The following PBRM1 variants were observed in gnomAD, a reference collection of about 807,000 sequenced individuals.
The protein encoded by PBRM1 is protein polybromo-1.
A neutral mutation model predicts 194.5 loss-of-function variants in PBRM1; 27 were observed. That is an observed-to-expected ratio of 0.14 (90% CI 0.10 to 0.19). PBRM1 has a LOEUF of 0.19. Among genes scored for constraint, PBRM1 ranks in the 10% least tolerant of loss-of-function variants. The pLI is 1.00. For synonymous variants in PBRM1, 655 were observed against 693.2 expected (o/e 0.94, Z 0.87); for missense variants, 1,466 against 2,077.2 (o/e 0.71, Z 5.72).
intron 29 of PBRM1, 62 bp from the exon 32 acceptor site, chr3:52,548,297 T>A (rs2079968643): frequency 1.5e-6 from 2 of 1,299,360 alleles, no homozygotes; most frequent in Non-Finnish European, 2.1e-6. Flanking sequence ...TTTCCCTCAG[T>A]TCTAAGGTCT....
chr3:52,586,535 G>T (rs766031717), exon 20 of PBRM1: 20 of 1,613,826 alleles, frequency 1.2e-5, no homozygotes, highest in Non-Finnish European at 1.6e-5. Context: ...CGAACCACAG[G>T]CAGAGGCACA....
At chr3:52,647,449 AAAAAAAAAATATATATATAT>A (rs1298861541) in intron 7 of PBRM1, among the ~76,000 whole-genome samples, 2 of 82,116 alleles carry the variant, frequency 2.4e-5, no homozygotes, top group Non-Finnish European at 5.0e-5. Context: ...AAAAAAAAAA[AAAAAAAAAATATATATATAT>A]ATATATATAT....
chr3:52,611,819 A>T (rs1302207368), intron 15 of PBRM1, among the ~76,000 whole-genome samples: 1 of 152,014 alleles, frequency 6.6e-6, no homozygotes, highest in African/African-American at 2.4e-5. Flanking sequence ...AACAAAACAA[A>T]ACACAAAACA....
exon 8 of PBRM1, chr3:52,644,767 A>T (rs1185098475): frequency 1.3e-6 from 2 of 1,509,262 alleles, no homozygotes; most frequent in African/African-American, 1.4e-5. Context: ...CATATAAAAT[A>T]TTTTTTTAAT....
At chr3:52,595,237 G>A (rs1449038383) in intron 17 of PBRM1, among the ~76,000 whole-genome samples, 2 of 151,874 alleles carry the variant, frequency 1.3e-5, no homozygotes, top group Non-Finnish European at 2.9e-5. Context: ...ATGACCTTGG[G>A]TGTTTGATTG....
chr3:52,680,977 G>C (rs529737910), upstream of PBRM1, among the ~76,000 whole-genome samples: 10 of 151,840 alleles, frequency 6.6e-5, no homozygotes, highest in Non-Finnish European at 1.2e-4. Context: ...TGAAGGTATT[G>C]ATCCTTCAGC....
intron 6 of PBRM1, among the ~76,000 whole-genome samples, chr3:52,649,291 T>C (rs1162751086): frequency 6.6e-6 from 1 of 152,106 alleles, no homozygotes; most frequent in Non-Finnish European, 1.5e-5. Flanking sequence ...AGTGGGCAAA[T>C]GGTCACTTTG....
chr3:52,676,656 G>A (rs1028526964), intron 2 of PBRM1, among the ~76,000 whole-genome samples: 6 of 152,180 alleles, frequency 3.9e-5, no homozygotes, highest in Non-Finnish European at 5.9e-5. Flanking sequence ...AAAGATACCC[G>A]AAAATGTGGA....
chr3:52,645,429 C>CT (rs1487961769), intron 7 of PBRM1, among the ~76,000 whole-genome samples: 1 of 151,260 alleles, frequency 6.6e-6, no homozygotes, highest in Non-Finnish European at 1.5e-5. Context: ...TCTCAAAGTG[C>CT]TGGGATTACA....
intron 2 of PBRM1, among the ~76,000 whole-genome samples, chr3:52,676,146 AAAAAAAT>A (rs2097098279): frequency 1.6e-5 from 2 of 123,702 alleles, no homozygotes; most frequent in African/African-American, 3.0e-5. Context: ...AAAAAAAAAA[AAAAAAAT>A]AATGAATGAA....
chr3:52,617,178 G>A (rs951528538), intron 14 of PBRM1, 84 bp downstream of exon 16: 40 of 1,067,950 alleles, frequency 3.7e-5, no homozygotes, highest in Non-Finnish European at 5.2e-5. Flanking sequence ...TAAGCCTCTA[G>A]AGCTGGTCTC....
At chr3:52,632,916 A>T (rs992126159) in intron 11 of PBRM1, among the ~76,000 whole-genome samples, 3 of 151,622 alleles carry the variant, frequency 2.0e-5, no homozygotes, top group Non-Finnish European at 4.4e-5. Context: ...CTAATCTCAA[A>T]CTCCTGACCT....
At chr3:52,627,156 A>G in intron 13 of PBRM1, 117 bp downstream of exon 14, 1 of 574,016 alleles carries the variant, frequency 1.7e-6, no homozygotes, top group Non-Finnish European at 3.1e-6. Context: ...AAGAGAACAC[A>G]TTACCATTTA....
At chr3:52,659,894 C>T (rs1279242816) in intron 4 of PBRM1, among the ~76,000 whole-genome samples, 3 of 152,168 alleles carry the variant, frequency 2.0e-5, no homozygotes, top group Non-Finnish European at 4.4e-5. Flanking sequence ...GAGTTCGAGA[C>T]CAGTCTGGCC....
At chr3:52,641,835 A>G (rs1405965282) in intron 10 of PBRM1, 119 bp downstream of exon 11, 5 of 761,136 alleles carry the variant, frequency 6.6e-6, no homozygotes, top group South Asian at 1.4e-5. Context: ...ATCAAATGCA[A>G]TAAAATAGCA....
At chr3:52,663,520 C>A (rs1443338604) in intron 3 of PBRM1, among the ~76,000 whole-genome samples, 1 of 152,138 alleles carries the variant, frequency 6.6e-6, no homozygotes, top group Non-Finnish European at 1.5e-5. Flanking sequence ...GGACAAGAAA[C>A]AAATCATTTC....
chr3:52,589,721 AATAC>A (rs1445110425), intron 17 of PBRM1, among the ~76,000 whole-genome samples: 2 of 152,224 alleles, frequency 1.3e-5, no homozygotes, highest in African/African-American at 4.8e-5. Context: ...AGAAATATAG[AATAC>A]ATATATTCTA....
In PBRM1 at chr3:52,637,773, C is replaced by CAAAAAAAAAAAAAAAAAAAAAAAAAAAA. The variant is rs755241328; in HGVS notation, c.1088-2959_1088-2958insTTTTTTTTTTTTTTTTTTTTTTTTTTTT. Among the ~76,000 whole-genome samples the CAAAAAAAAAAAAAAAAAAAAAAAAAAAA allele has an allele frequency of 8.1e-4, 34 of 42,230 alleles. 6 individuals carry two copies. Among genetic ancestry groups the CAAAAAAAAAAAAAAAAAAAAAAAAAAAA allele is most frequent in the Non-Finnish European group, 1.4e-3 (26 of 18,912 alleles). The allele number at this position is 42,230 out of a possible 152,430, so 27.7% of individuals were successfully genotyped here. On this transcript the variant is annotated intron_variant, in intron 10 of 29. Coordinates refer to ENST00000296302, the Ensembl canonical transcript of PBRM1. ...CAAAACCATGTCTCTACTAAAAATA[C>CAAAAAAAAAAAAAAAAAAAAAAAAAAAA]AAAAAAAAAAAAAAAAAAAAAAAAT...
At chr3:52,677,115 A>G (rs2097123159) in intron 2 of PBRM1, among the ~76,000 whole-genome samples, 1 of 152,228 alleles carries the variant, frequency 6.6e-6, no homozygotes, top group South Asian at 2.1e-4. Context: ...ACAAAAACAT[A>G]GGGGAAAAGC....
Sources: allele counts gnomAD v4.1 joint callset (sites outside exome capture counted in the v4.1 genomes callset), GRCh38; gene constraint gnomAD v4.1.1; transcripts MANE v1.5; gene names NCBI Gene and HGNC (gene_info 2026-07-23, HGNC 2026-07-21).